Variants in HPSE2 observed in about 807,000 individuals in gnomAD.
The protein encoded by HPSE2 is heparanase 2 (inactive).
HPSE2 carries 38 observed loss-of-function variants against 60.5 expected under a neutral mutation model. That is an observed-to-expected ratio of 0.63 (90% CI 0.48 to 0.82). The LOEUF is 0.82. Ranked by LOEUF, HPSE2 falls within the 40% of genes least tolerant of loss-of-function variation. The probability of loss-of-function intolerance (pLI) is 0.00; values close to 1 mark genes in which losing one functional copy is unlikely to be tolerated. For synonymous variants in HPSE2, 295 were observed against 293.2 expected (o/e 1.01, Z -0.06); for missense variants, 713 against 740.4 (o/e 0.96, Z 0.43).
rs150073339 is a variant in HPSE2 at position 99,177,948 on chromosome 10, G to A, written c.449-33549C>T. 3.3e-3 allele frequency among the ~76,000 whole-genome samples: 503 copies of A among 152,122 alleles called. 2 individuals carry two copies. Among genetic ancestry groups the A allele is most frequent in the Middle Eastern group, 0.014 (4 of 294 alleles). ...CTCAGACCACGGTGCAATCAAATTA[G>A]AACTCAGGATTAAGAACTCACTGAA... On this transcript the variant is annotated intron_variant, in intron 2 of 11. Coordinates refer to ENST00000370552, the MANE Select transcript of HPSE2 (RefSeq NM_021828.5).
At chr10:99,241,691 C>T in the HPSE2 span, among the ~76,000 whole-genome samples, 1 of 152,096 alleles carries the variant, frequency 6.6e-6, no homozygotes, top group South Asian at 2.1e-4. Flanking sequence ...CCCGGGAGTT[C>T]AAGGCTACAG....
At chr10:99,280,072 C>A in the HPSE2 span, among the ~76,000 whole-genome samples, 1 of 152,182 alleles carries the variant, frequency 6.6e-6, no homozygotes, top group Non-Finnish European at 1.5e-5. Context: ...ACTGGCTTTG[C>A]CATTAACTGT....
intron 3 of HPSE2, among the ~76,000 whole-genome samples, chr10:99,045,441 A>G (rs1589568379): frequency 6.6e-6 from 1 of 152,246 alleles, no homozygotes; most frequent in Admixed American, 6.5e-5. Context: ...AGAAGAAAAA[A>G]GAACAAACCA....
chr10:98,995,502 C>G (rs761203172), intron 3 of HPSE2, among the ~76,000 whole-genome samples: 7 of 152,144 alleles, frequency 4.6e-5, no homozygotes, highest in African/African-American at 1.7e-4. Context: ...CAACCTACCT[C>G]TTTGAAAAAG....
chr10:99,221,371 C>A (rs2096467194), intron 2 of HPSE2, among the ~76,000 whole-genome samples: 1 of 152,116 alleles, frequency 6.6e-6, no homozygotes, highest in South Asian at 2.1e-4. Context: ...AGGCACTTTA[C>A]TAGATTGTAG....
intron 9 of HPSE2, among the ~76,000 whole-genome samples, chr10:98,595,410 T>C (rs1298348615): frequency 6.6e-6 from 1 of 152,116 alleles, no homozygotes; most frequent in Non-Finnish European, 1.5e-5. Flanking sequence ...GACCTCGTGA[T>C]CCACCCGCCT....
At chr10:98,473,740 T>C (rs983756484) in intron 11 of HPSE2, among the ~76,000 whole-genome samples, 2 of 152,130 alleles carry the variant, frequency 1.3e-5, no homozygotes, top group Admixed American at 6.6e-5. Flanking sequence ...GATTTTCTCT[T>C]CTTACTTTTT....
rs138002158 is a variant in HPSE2 at position 98,588,477 on chromosome 10, C to T, written c.1320+26427G>A. On this transcript the variant is annotated intron_variant, in intron 9 of 11. Coordinates refer to ENST00000370552, the MANE Select transcript of HPSE2 (RefSeq NM_021828.5). ...TTGGTGTGATTCTGCAAGACAAGAC[C>T]GAAGTCAGTGCTTCTAGTCTGCCAC... is the stretch of plus-strand genomic sequence containing the variant. Among the ~76,000 whole-genome samples the T allele has an allele frequency of 2.7e-3, 407 of 152,202 alleles. 3 individuals are homozygous for T. Among genetic ancestry groups the T allele is most frequent in the African/African-American group, 9.4e-3 (389 of 41,540 alleles).
chr10:99,295,771 AC>A, the HPSE2 span, among the ~76,000 whole-genome samples: 2 of 152,162 alleles, frequency 1.3e-5, no homozygotes, highest in African/African-American at 4.8e-5. Flanking sequence ...CTCCACCCAA[AC>A]CCTGTAAGGA....
intron 3 of HPSE2, among the ~76,000 whole-genome samples, chr10:98,959,622 T>A (rs2135226342): frequency 6.6e-6 from 1 of 152,258 alleles, no homozygotes; most frequent in Middle Eastern, 3.4e-3. Context: ...CAGCAAAATC[T>A]CCCTAGTGAA....
At chr10:98,596,193 G>A (rs889065060) in intron 9 of HPSE2, among the ~76,000 whole-genome samples, 2 of 151,966 alleles carry the variant, frequency 1.3e-5, no homozygotes, top group Non-Finnish European at 2.9e-5. Context: ...TCTGGCTTTG[G>A]TATTAGAACA....
chr10:98,470,530 A>T (rs922747770), intron 11 of HPSE2, among the ~76,000 whole-genome samples: 6 of 152,210 alleles, frequency 3.9e-5, no homozygotes, highest in African/African-American at 1.2e-4. Flanking sequence ...CACTATAGGG[A>T]TAAGCTGGAT....
intron 6 of HPSE2, among the ~76,000 whole-genome samples, chr10:98,653,671 C>T (rs1946980931): frequency 6.6e-6 from 1 of 151,228 alleles, no homozygotes; most frequent in Non-Finnish European, 1.5e-5. Context: ...TCATTCATTT[C>T]CCTTATATAT....
chr10:99,196,599 G>A (rs1289890016), intron 2 of HPSE2, among the ~76,000 whole-genome samples: 3 of 151,988 alleles, frequency 2.0e-5, no homozygotes, highest in Non-Finnish European at 4.4e-5. Flanking sequence ...TAGCAAACAG[G>A]CATATGAAAA....
chr10:99,024,259 C>G (rs1238622196), intron 3 of HPSE2, among the ~76,000 whole-genome samples: 2 of 152,024 alleles, frequency 1.3e-5, no homozygotes, highest in Non-Finnish European at 2.9e-5. Flanking sequence ...TAAGAAATAG[C>G]TTGAAGACAG....
intron 3 of HPSE2, among the ~76,000 whole-genome samples, chr10:98,968,938 CTAACGAAGT>C (rs1955881642): frequency 6.6e-6 from 1 of 152,036 alleles, no homozygotes; most frequent in Admixed American, 6.6e-5. Context: ...GAAATCACCA[CTAACGAAGT>C]TACCCATGTA....
chr10:99,029,177 C>T (rs1957442613), intron 3 of HPSE2, among the ~76,000 whole-genome samples: 1 of 151,900 alleles, frequency 6.6e-6, no homozygotes, highest in South Asian at 2.1e-4. Flanking sequence ...AGGATACAAT[C>T]AATAAAGTGA....
chr10:98,778,377 A>T (rs980699018), intron 3 of HPSE2, among the ~76,000 whole-genome samples: 2 of 151,358 alleles, frequency 1.3e-5, no homozygotes, highest in African/African-American at 4.9e-5. Context: ...CGAAGCTCTA[A>T]CTGGTGGGTT....
chr10:98,574,319 A>T (rs2133905136), intron 9 of HPSE2, among the ~76,000 whole-genome samples: 1 of 152,336 alleles, frequency 6.6e-6, no homozygotes, highest in South Asian at 2.1e-4. Flanking sequence ...ATCTGGAAGA[A>T]TATACATCAA....
Sources: gnomAD v4.1 joint callset for allele counts (sites outside exome capture counted in the v4.1 genomes callset) on GRCh38, gnomAD v4.1.1 for gene constraint, MANE v1.5 for transcripts, NCBI Gene and HGNC (gene_info 2026-07-23, HGNC 2026-07-21) for gene names.